Variants in PCDH17 observed in about 807,000 individuals in gnomAD.
PCDH17 encodes protocadherin-17.
A neutral mutation model predicts 67.7 loss-of-function variants in PCDH17; 21 were observed. The observed-to-expected ratio is 0.31, with a 90% confidence interval of 0.22 to 0.45. The LOEUF is 0.45. PCDH17 is among the 20% of genes least tolerant of loss of function. PCDH17 has a pLI of 1.00. For synonymous variants in PCDH17, 701 were observed against 656.7 expected (o/e 1.07, Z -1.03); for missense variants, 1,471 against 1,564.8 (o/e 0.94, Z 1.01).
chr13:57,691,218 A>C (rs1955555442), intron 3 of PCDH17, among the ~76,000 whole-genome samples: 1 of 151,414 alleles, frequency 6.6e-6, no homozygotes, highest in Non-Finnish European at 1.5e-5. Context: ...AAAATGAAGC[A>C]AACTTTTTGT....
At chr13:57,646,570 G>A (rs1273163873) in intron 1 of PCDH17, among the ~76,000 whole-genome samples, 3 of 151,706 alleles carry the variant, frequency 2.0e-5, no homozygotes, top group South Asian at 2.1e-4. Flanking sequence ...TAGGCAGAAC[G>A]AGTTTTCAAA....
rs1336143960 is a variant in PCDH17, at chr13:57,658,998, G to T, written c.2566-7470G>T. ...CATTCTGGAAATGTCAGAGTTCTAT[G>T]GTGTGTCAGAATTGTTCCTTTCATA... On this transcript the variant is annotated intron_variant, in intron 1 of 3. Coordinates refer to ENST00000377918, the MANE Select transcript of PCDH17 (RefSeq NM_001040429.3). 2.0e-5 allele frequency among the ~76,000 whole-genome samples: 3 copies of T among 152,048 alleles called. No individual in the cohort carries two copies. The East Asian group carries it at 5.8e-4, about 29-fold the overall frequency.
At chr13:57,719,883 A>G (rs1955858747) in intron 3 of PCDH17, among the ~76,000 whole-genome samples, 1 of 152,006 alleles carries the variant, frequency 6.6e-6, no homozygotes, top group African/African-American at 2.4e-5. Context: ...TGATTTTAAT[A>G]ACATTTTGGT....
chr13:57,681,293 G>A (rs182918817), intron 3 of PCDH17, among the ~76,000 whole-genome samples: 27 of 151,826 alleles, frequency 1.8e-4, no homozygotes, highest in African/African-American at 5.1e-4. Context: ...TTCTAAGTTG[G>A]AAATAAGATA....
chr13:57,697,467 A>G (rs1473193460), intron 3 of PCDH17, among the ~76,000 whole-genome samples: 1 of 151,670 alleles, frequency 6.6e-6, no homozygotes, highest in Admixed American at 6.6e-5. Flanking sequence ...CAAATAAGCA[A>G]AATAGGCTAA....
Position 57,724,869 on chromosome 13 carries a change from T to A in PCDH17, c.3055T>A (p.Leu1019Ile), listed in dbSNP as rs745602423. The change falls in exon 4 of 4, where the codon TTA (leucine) becomes ATA (isoleucine). Residue 1019 changes from leucine (L) to isoleucine (I), a missense_variant. This residue lies in a region of PCDH17 where 297 missense variants were observed against 298.6 expected (regional missense o/e 0.99). Transcript: ENST00000377918. Reference protein sequence around the residue: ...TILIANVKPYLKAKRALSPLL... With the variant: ...TILIANVKPYIKAKRALSPLL... ...TCTCATTGCCAACGTTAAACCTTAT[T>A]TAAAAGCCAAACGTGCCCTGAGCCC... 3.1e-6 allele frequency: 5 copies of A among 1,614,136 alleles called. No individual in the cohort carries two copies. The highest frequency in any genetic ancestry group is 4.2e-6 in the Non-Finnish European group (5 of 1,180,004).
At chr13:57,673,071 G>A (rs1412315307) in intron 3 of PCDH17, among the ~76,000 whole-genome samples, 1 of 151,918 alleles carries the variant, frequency 6.6e-6, no homozygotes, top group East Asian at 1.9e-4. Flanking sequence ...CTATAACTAA[G>A]GTCTGAGTCC....
chr13:57,635,436 T>TA (rs1411149594), intron 1 of PCDH17, among the ~76,000 whole-genome samples: 3 of 152,346 alleles, frequency 2.0e-5, no homozygotes, highest in African/African-American at 7.2e-5. Flanking sequence ...TTTCTTTTCA[T>TA]AAAAAGGAAT....
At chr13:57,667,735 A>G (rs192111506) in intron 3 of PCDH17, among the ~76,000 whole-genome samples, 3 of 147,842 alleles carry the variant, frequency 2.0e-5, no homozygotes, top group Non-Finnish European at 4.5e-5. Flanking sequence ...GATTTATAGA[A>G]AGTTAATTTT....
intron 3 of PCDH17, among the ~76,000 whole-genome samples, chr13:57,686,938 T>C (rs1955513291): frequency 1.3e-5 from 2 of 152,040 alleles, no homozygotes; most frequent in East Asian, 1.9e-4. Flanking sequence ...ATGACTATTG[T>C]GTTTTATTTG....
intron 3 of PCDH17, among the ~76,000 whole-genome samples, chr13:57,675,297 T>A (rs939252320): frequency 1.3e-5 from 2 of 152,058 alleles, no homozygotes; most frequent in Non-Finnish European, 2.9e-5. Context: ...TTGTTGCTCA[T>A]TGATTCTTTC....
At chr13:57,695,623 T>TC (rs1162901140) in intron 3 of PCDH17, among the ~76,000 whole-genome samples, 3 of 151,156 alleles carry the variant, frequency 2.0e-5, no homozygotes, top group Admixed American at 6.6e-5. Flanking sequence ...CATTTATAAT[T>TC]CCCTCCGCAA....
At position 57,632,786 on chromosome 13, in the gene PCDH17, C is replaced by T. The variant is rs368305031; in HGVS notation, c.240C>T (p.Asp80=). 1 of 1,613,252 alleles carries T rather than the reference C, an allele frequency of 6.2e-7. No homozygotes were observed. Among genetic ancestry groups the T allele is most frequent in the East Asian group, 2.2e-5 (1 of 44,828 alleles). ...CGCACCTGCTGGACGTGGACGCAGA[C>T]AGCGGGCTCCTCTACACCAAGCAGC... ...SAPHLLDVDA[D]SGLLYTKQRI... Residue 80 remains aspartate, a synonymous_variant, in exon 1 of 4, where the codon GAC becomes GAT. Coordinates refer to ENST00000377918, the MANE Select transcript of PCDH17 (RefSeq NM_001040429.3).
intron 3 of PCDH17, among the ~76,000 whole-genome samples, chr13:57,691,454 T>A (rs1383927380): frequency 6.6e-6 from 1 of 151,226 alleles, no homozygotes; most frequent in Non-Finnish European, 1.5e-5. Context: ...TAAAAACTAA[T>A]CATGGAGGAG....
chr13:57,705,329 T>C (rs1955712022), intron 3 of PCDH17, among the ~76,000 whole-genome samples: 1 of 152,092 alleles, frequency 6.6e-6, no homozygotes, highest in African/African-American at 2.4e-5. Context: ...ATATTTTTAA[T>C]GTTTAAGTTT....
intron 3 of PCDH17, among the ~76,000 whole-genome samples, chr13:57,722,577 AC>A (rs1166271956): frequency 1.3e-5 from 2 of 152,076 alleles, no homozygotes; most frequent in Non-Finnish European, 2.9e-5. Flanking sequence ...AATGACTGAT[AC>A]CTGATATTGA....
intron 3 of PCDH17, among the ~76,000 whole-genome samples, chr13:57,686,252 ATAAATC>A (rs1955506659): frequency 6.6e-6 from 1 of 152,040 alleles, no homozygotes; most frequent in Non-Finnish European, 1.5e-5. Context: ...CATTTTGTCT[ATAAATC>A]TAAAACAATT....
chr13:57,668,694 G>T (rs559607647), intron 3 of PCDH17, among the ~76,000 whole-genome samples: 4 of 151,848 alleles, frequency 2.6e-5, no homozygotes, highest in African/African-American at 9.7e-5. Flanking sequence ...ATAATATTGC[G>T]CAGGAAATAA....
At chr13:57,689,928 T>G (rs1955542967) in intron 3 of PCDH17, among the ~76,000 whole-genome samples, 1 of 151,880 alleles carries the variant, frequency 6.6e-6, no homozygotes, top group Non-Finnish European at 1.5e-5. Flanking sequence ...TAAAGATATG[T>G]CTTAAAATAA....
Sources: allele counts gnomAD v4.1 joint callset (sites outside exome capture counted in the v4.1 genomes callset), GRCh38; gene constraint gnomAD v4.1.1; regional missense constraint gnomAD v4.1.1; transcripts MANE v1.5; gene names NCBI Gene and HGNC (gene_info 2026-07-23, HGNC 2026-07-21).